Variants in TNIK observed in about 807,000 individuals in gnomAD.
TNIK encodes the protein TRAF2 and NCK interacting kinase.
TNIK carries 49 observed loss-of-function variants against 191.3 expected under a neutral mutation model. The ratio of observed to expected loss-of-function variants is 0.26; its 90% CI spans 0.20 to 0.32. TNIK has a LOEUF of 0.32. Ranked by LOEUF, TNIK falls within the 10% of genes least tolerant of loss-of-function variation. The probability of loss-of-function intolerance (pLI) is 1.00; values close to 1 mark genes in which losing one functional copy is unlikely to be tolerated. For synonymous variants in TNIK, 594 were observed against 600.9 expected (o/e 0.99, Z 0.17); for missense variants, 1,155 against 1,702.3 (o/e 0.68, Z 5.66).
chr3:171,176,433 T>A (rs1386872546), intron 8 of TNIK, among the ~76,000 whole-genome samples: 2 of 152,178 alleles, frequency 1.3e-5, no homozygotes, highest in African/African-American at 4.8e-5. Context: ...ACCAAGGATA[T>A]TACTGGGTAA....
chr3:171,416,817 C>T (rs1010897464), intron 1 of TNIK, among the ~76,000 whole-genome samples: 6 of 152,110 alleles, frequency 3.9e-5, no homozygotes, highest in African/African-American at 9.7e-5. Context: ...CTGTCCTTTA[C>T]GCTTCTATTA....
At chr3:171,177,887 C>A (rs554941414) in intron 7 of TNIK, among the ~76,000 whole-genome samples, 42 of 152,336 alleles carry the variant, frequency 2.8e-4, no homozygotes, top group South Asian at 1.5e-3. Context: ...CCTAGGCAAC[C>A]AATGATCTGC....
At chr3:171,297,567 A>G (rs1010604817) in intron 2 of TNIK, among the ~76,000 whole-genome samples, 3 of 152,212 alleles carry the variant, frequency 2.0e-5, no homozygotes, top group Non-Finnish European at 4.4e-5. Context: ...TCAGTTTTTA[A>G]TTATATCCCA....
intron 1 of TNIK, among the ~76,000 whole-genome samples, chr3:171,429,198 T>G (rs1725031551): frequency 6.6e-6 from 1 of 152,190 alleles, no homozygotes; most frequent in African/African-American, 2.4e-5. Context: ...CAAGCTGCGT[T>G]ATTTTAACTG....
chr3:171,269,504 A>G (rs1328624884), intron 2 of TNIK, among the ~76,000 whole-genome samples: 1 of 152,234 alleles, frequency 6.6e-6, no homozygotes, highest in Admixed American at 6.5e-5. Context: ...ATTTCAGCCA[A>G]CATACATCAC....
Position 171,428,548 on chromosome 3 carries a change from C to G in TNIK, c.57+31459G>C, listed in dbSNP as rs73048558. Among the ~76,000 whole-genome samples, 651 of 152,216 alleles carry G rather than the reference C, an allele frequency of 4.3e-3. 5 individuals are homozygous for G. The highest frequency in any genetic ancestry group is 0.015 in the African/African-American group (617 of 41,542). ...TGCTGTCCTAATCTCTCTTAATGCT[C>G]GACACTAAATTTCTTGAACAATTGC... On this transcript the variant is annotated intron_variant, in intron 1 of 32. Transcript: ENST00000436636.
At chr3:171,372,687 T>G (rs1304461318) in intron 1 of TNIK, among the ~76,000 whole-genome samples, 1 of 152,160 alleles carries the variant, frequency 6.6e-6, no homozygotes, top group Admixed American at 6.6e-5. Context: ...GAACTGACAC[T>G]GTTCAGCTGA....
chr3:171,162,951 G>A (rs973441065), intron 10 of TNIK, among the ~76,000 whole-genome samples: 4 of 152,234 alleles, frequency 2.6e-5, no homozygotes, highest in Non-Finnish European at 5.9e-5. Context: ...GGTCATAATG[G>A]AGGAAGAGAC....
chr3:171,123,402 A>G (rs112484798), intron 18 of TNIK, among the ~76,000 whole-genome samples, 194 bp downstream of exon 18: 1 of 152,224 alleles, frequency 6.6e-6, no homozygotes, highest in African/African-American at 2.4e-5. Flanking sequence ...TGAGCCCCCC[A>G]CTGAATACTG....
chr3:171,176,412 G>C (rs1462543011), intron 8 of TNIK, among the ~76,000 whole-genome samples: 1 of 152,194 alleles, frequency 6.6e-6, no homozygotes, highest in Non-Finnish European at 1.5e-5. Context: ...CTAGTCCTTT[G>C]AGATGCAGAC....
intron 1 of TNIK, among the ~76,000 whole-genome samples, chr3:171,435,837 G>C (rs1725967245): frequency 6.6e-6 from 1 of 152,074 alleles, no homozygotes; most frequent in African/African-American, 2.4e-5. Context: ...CATATAAAAA[G>C]TTTCCAGATC....
intron 4 of TNIK, among the ~76,000 whole-genome samples, chr3:171,197,963 T>A (rs1037271610): frequency 1.3e-5 from 2 of 152,074 alleles, no homozygotes; most frequent in Non-Finnish European, 2.9e-5. Context: ...AACTTGTACA[T>A]GAGTGTTCAA....
At chr3:171,117,049 A>C (rs192318675) in intron 18 of TNIK, among the ~76,000 whole-genome samples, 1 of 152,352 alleles carries the variant, frequency 6.6e-6, no homozygotes, top group East Asian at 1.9e-4. Context: ...TATAAAAAGC[A>C]TGTGATGACA....
chr3:171,276,102 G>A (rs1223391739), intron 2 of TNIK, among the ~76,000 whole-genome samples: 4 of 152,026 alleles, frequency 2.6e-5, no homozygotes, highest in Non-Finnish European at 5.9e-5. Context: ...GCTGAAGAAA[G>A]GAGCTGGACG....
chr3:171,382,218 C>CTTTTTTTT (rs63626462), intron 1 of TNIK, among the ~76,000 whole-genome samples: 10 of 99,142 alleles, frequency 1.0e-4, no homozygotes, highest in East Asian at 6.7e-4. Flanking sequence ...TTGAATACAT[C>CTTTTTTTT]TTTTTTTTTT....
intron 21 of TNIK, chr3:171,106,571 A>G (rs1341423156): frequency 2.2e-6 from 1 of 457,176 alleles, no homozygotes; most frequent in Non-Finnish European, 4.6e-6. Context: ...CAGGTCTGAC[A>G]AATAGCAGTA....
At chr3:171,072,104 G>A (rs1026381014) in intron 28 of TNIK, among the ~76,000 whole-genome samples, 2 of 152,084 alleles carry the variant, frequency 1.3e-5, no homozygotes, top group African/African-American at 2.4e-5. Flanking sequence ...CAATGTTTAC[G>A]GTGATGACCT....
intron 2 of TNIK, among the ~76,000 whole-genome samples, chr3:171,282,966 A>C (rs1198368672): frequency 6.6e-6 from 1 of 152,028 alleles, no homozygotes; most frequent in African/African-American, 2.4e-5. Flanking sequence ...GGCCCGCCTT[A>C]TATTCTCTGC....
intron 11 of TNIK, 99 bp downstream of exon 11, chr3:171,161,171 G>T: frequency 1.6e-6 from 2 of 1,257,280 alleles, no homozygotes; most frequent in Non-Finnish European, 2.2e-6. Context: ...CACCCTGGTG[G>T]ATTCTTAAAA....
Sources: gnomAD v4.1 joint callset for allele counts (sites outside exome capture counted in the v4.1 genomes callset) on GRCh38, gnomAD v4.1.1 for gene constraint, MANE v1.5 for transcripts, NCBI Gene and HGNC (gene_info 2026-07-23, HGNC 2026-07-21) for gene names.